The following HYAL4 variants were observed in gnomAD, a reference collection of about 807,000 sequenced individuals.
The protein encoded by HYAL4 is hyaluronidase 4.
A neutral mutation model predicts 35.2 loss-of-function variants in HYAL4; 37 were observed. The observed-to-expected ratio is 1.05, with a 90% CI of 0.81 to 1.38. The LOEUF is 1.38. HYAL4 is among the 40% of genes most tolerant of loss of function. The probability of loss-of-function intolerance (pLI) is 0.00; values close to 1 mark genes in which losing one functional copy is unlikely to be tolerated. For missense variants in HYAL4, 572 were observed against 572.4 expected (o/e 1.00, Z 0.01); for synonymous variants, 198 against 203.2 (o/e 0.97, Z 0.22).
chr7:123,860,663 C>G (rs146271996), intron 2 of HYAL4, among the ~76,000 whole-genome samples: 9 of 152,056 alleles, frequency 5.9e-5, no homozygotes, highest in African/African-American at 2.2e-4. Flanking sequence ...TTTTGTTGTC[C>G]TAATTATAAG....
upstream of HYAL4, among the ~76,000 whole-genome samples, chr7:123,828,242 AG>A (rs1805828456): frequency 6.6e-6 from 1 of 152,172 alleles, no homozygotes. Flanking sequence ...CTGATGGACA[AG>A]TAAAGTATGT....
intron 1 of HYAL4, among the ~76,000 whole-genome samples, chr7:123,836,679 T>C (rs1345023399): frequency 6.6e-6 from 1 of 151,906 alleles, no homozygotes; most frequent in African/African-American, 2.4e-5. Context: ...ATAGGTCCTG[T>C]GAGATTTATG....
intron 1 of HYAL4, among the ~76,000 whole-genome samples, chr7:123,829,529 C>G (rs532023196): frequency 6.6e-6 from 1 of 152,240 alleles, no homozygotes; most frequent in South Asian, 2.1e-4. Flanking sequence ...CAATTATTTA[C>G]TGGGTGTTTA....
chr7:123,835,384 G>A (rs915032617), intron 1 of HYAL4, among the ~76,000 whole-genome samples: 1 of 152,030 alleles, frequency 6.6e-6, no homozygotes, highest in Non-Finnish European at 1.5e-5. Context: ...GTTCATAGTA[G>A]CCTTGAAATG....
chr7:123,766,961 T>C, the HYAL4 span, among the ~76,000 whole-genome samples: 1 of 152,194 alleles, frequency 6.6e-6, no homozygotes, highest in African/African-American at 2.4e-5. Context: ...GAAGAATAAT[T>C]TATAATCTAA....
At chr7:123,821,013 G>T in the HYAL4 span, among the ~76,000 whole-genome samples, 1 of 152,096 alleles carries the variant, frequency 6.6e-6, no homozygotes, top group Non-Finnish European at 1.5e-5. Flanking sequence ...ATATTTCATT[G>T]TATGTATATA....
At chr7:123,804,196 C>T in the HYAL4 span, among the ~76,000 whole-genome samples, 1 of 152,192 alleles carries the variant, frequency 6.6e-6, no homozygotes, top group Non-Finnish European at 1.5e-5. Context: ...TAGTGTGACA[C>T]TGTTTTTGTA....
At chr7:123,779,325 G>C in the HYAL4 span, among the ~76,000 whole-genome samples, 1 of 152,106 alleles carries the variant, frequency 6.6e-6, no homozygotes, top group Non-Finnish European at 1.5e-5. Flanking sequence ...GCTGATATGA[G>C]TGCTACAACC....
At chr7:123,813,654 ATTAC>A in the HYAL4 span, among the ~76,000 whole-genome samples, 10 of 152,236 alleles carry the variant, frequency 6.6e-5, no homozygotes, top group Non-Finnish European at 1.2e-4. Context: ...CATGTAAAGT[ATTAC>A]TTACTGTTAG....
chr7:123,795,732 G>A, the HYAL4 span, among the ~76,000 whole-genome samples: 3 of 152,140 alleles, frequency 2.0e-5, no homozygotes, highest in Non-Finnish European at 4.4e-5. Context: ...CCAGTCTTGG[G>A]TATGTCTTTA....
At chr7:123,844,537 G>A (rs1023870137), upstream of HYAL4, among the ~76,000 whole-genome samples, 1 of 152,180 alleles carries the variant, frequency 6.6e-6, no homozygotes, top group Non-Finnish European at 1.5e-5. Flanking sequence ...CTCAAACGCG[G>A]TGCTGGGAGA....
the HYAL4 span, among the ~76,000 whole-genome samples, chr7:123,771,068 A>G: frequency 6.6e-6 from 1 of 152,128 alleles, no homozygotes; most frequent in Non-Finnish European, 1.5e-5. Flanking sequence ...GAAGAAGATA[A>G]AAAGTCCAGT....
At chr7:123,772,942 A>G in the HYAL4 span, among the ~76,000 whole-genome samples, 1 of 152,226 alleles carries the variant, frequency 6.6e-6, no homozygotes, top group Admixed American at 6.5e-5. Flanking sequence ...ACACCCATGA[A>G]AAAGAACTGA....
chr7:123,805,649 G>T, the HYAL4 span, among the ~76,000 whole-genome samples: 4 of 151,960 alleles, frequency 2.6e-5, no homozygotes, highest in Admixed American at 2.0e-4. Flanking sequence ...AGCAAGAAAG[G>T]CATGATATTT....
upstream of HYAL4, among the ~76,000 whole-genome samples, chr7:123,840,929 A>G (rs1474769485): frequency 1.3e-5 from 2 of 151,972 alleles, no homozygotes; most frequent in Admixed American, 6.6e-5. Flanking sequence ...CATGTCATCT[A>G]CAAACAGGGA....
At chr7:123,836,393 A>G (rs1805963386) in intron 1 of HYAL4, among the ~76,000 whole-genome samples, 1 of 152,174 alleles carries the variant, frequency 6.6e-6, no homozygotes, top group Non-Finnish European at 1.5e-5. Context: ...ATATAAGGAT[A>G]GCTACTCCTG....
Position 123,839,436 on chromosome 7 carries a change from G to A in HYAL4, c.-256-4809G>A, listed in dbSNP as rs146076268. Among the ~76,000 whole-genome samples, 570 of 152,134 alleles carry A rather than the reference G, an allele frequency of 3.7e-3. 12 individuals carry two copies. The highest frequency in any genetic ancestry group is 0.03 in the Admixed American group (453 of 15,260). On this transcript the variant is annotated intron_variant, in intron 1 of 4. Coordinates refer to the HYAL4 transcript ENST00000489978. Reference sequence around the variant, plus strand: ...AGTCTTTGCTATTGTGAATAGTGCCGCAATAAACATGTATGCATGTGTCTT... The same window carrying A: ...AGTCTTTGCTATTGTGAATAGTGCCACAATAAACATGTATGCATGTGTCTT...
the HYAL4 span, among the ~76,000 whole-genome samples, chr7:123,776,463 G>A: frequency 6.6e-6 from 1 of 152,140 alleles, no homozygotes; most frequent in South Asian, 2.1e-4. Flanking sequence ...TTGCACAAAC[G>A]AGTGCAGCAG....
intron 2 of HYAL4, among the ~76,000 whole-genome samples, chr7:123,850,819 C>T (rs751179507): frequency 6.6e-6 from 1 of 152,128 alleles, no homozygotes; most frequent in Admixed American, 6.5e-5. Flanking sequence ...CAAGAGAATT[C>T]CAGAACGACC....
Sources: allele counts gnomAD v4.1 joint callset (sites outside exome capture counted in the v4.1 genomes callset), GRCh38; gene constraint gnomAD v4.1.1; transcripts MANE v1.5; gene names NCBI Gene and HGNC (gene_info 2026-07-23, HGNC 2026-07-21).